Variants in KIF25 observed in about 807,000 individuals in gnomAD.
KIF25 encodes kinesin family member 25, also known as kinesin-like protein KIF25.
KIF25 carries 19 observed loss-of-function variants against 32.9 expected under a neutral mutation model. That is an observed-to-expected ratio of 0.58 (90% confidence interval 0.40 to 0.85). The LOEUF (loss-of-function observed/expected upper bound fraction) is 0.85. Among genes scored for constraint, KIF25 ranks in the 40% least tolerant of loss-of-function variants. KIF25 has a pLI of 0.00. For synonymous variants in KIF25, 225 were observed against 213.7 expected, an observed-to-expected ratio of 1.05 and a Z score of -0.46; for missense variants, 485 against 507.0, an observed-to-expected ratio of 0.96 and a Z score of 0.42.
At chr6:168,022,722 C>T (rs996210158) in intron 5 of KIF25, among the ~76,000 whole-genome samples, 1 of 148,500 alleles carries the variant, frequency 6.7e-6, no homozygotes, top group African/African-American at 2.5e-5. Flanking sequence ...GTTTTTACTG[C>T]GAACTTATCT....
intron 4 of KIF25, among the ~76,000 whole-genome samples, chr6:168,005,669 T>TG: frequency 6.6e-6 from 1 of 152,172 alleles, no homozygotes; most frequent in Non-Finnish European, 1.5e-5. Flanking sequence ...CTGAAGAACT[T>TG]GGAGTCCGAT....
intron 4 of KIF25, among the ~76,000 whole-genome samples, chr6:168,017,719 G>A (rs1484231775): frequency 3.9e-5 from 6 of 152,090 alleles, no homozygotes; most frequent in South Asian, 4.1e-4. Flanking sequence ...TATGGGGGTC[G>A]GCAAACCTTT....
chr6:168,032,237 G>C (rs1798952011), intron 7 of KIF25, among the ~76,000 whole-genome samples: 1 of 152,238 alleles, frequency 6.6e-6, no homozygotes, highest in Non-Finnish European at 1.5e-5. Flanking sequence ...CCTGGCCAAG[G>C]AGGAAGTCCA....
In KIF25 at chr6:168,031,839, T is replaced by C. The variant is rs1262641962; in HGVS notation, c.167+992T>C. 6.6e-5 allele frequency among the ~76,000 whole-genome samples: 10 copies of C among 152,312 alleles called. No homozygotes were observed. In the South Asian group the frequency reaches 2.1e-3, roughly 32 times the overall value. ...TGTCAGCAAAAAGAGTCAAACCCTG[T>C]AAAATATTGGGAGAGATTTATCCTG... On this transcript the variant is annotated intron_variant, in intron 7 of 12. Coordinates refer to ENST00000643607, the MANE Select transcript of KIF25 (RefSeq NM_030615.4).
At chr6:168,013,540 T>C (rs1798675181) in intron 4 of KIF25, among the ~76,000 whole-genome samples, 1 of 152,012 alleles carries the variant, frequency 6.6e-6, no homozygotes, top group African/African-American at 2.4e-5. Flanking sequence ...CTCACAGGGA[T>C]GGCTGGGGGG....
At chr6:168,013,806 C>T (rs1197186836) in intron 4 of KIF25, among the ~76,000 whole-genome samples, 4 of 152,070 alleles carry the variant, frequency 2.6e-5, no homozygotes, top group African/African-American at 9.7e-5. Context: ...CCTCTGCCTT[C>T]CTGGACTTCC....
chr6:168,008,816 T>TTTA (rs574754187), intron 4 of KIF25, among the ~76,000 whole-genome samples: 126 of 152,272 alleles, frequency 8.3e-4, no homozygotes, highest in African/African-American at 2.5e-3. Flanking sequence ...TCCTAGGTAT[T>TTTA]TTAAATTTTT....
intron 4 of KIF25, among the ~76,000 whole-genome samples, chr6:168,011,914 T>C (rs1798652910): frequency 6.6e-6 from 1 of 152,196 alleles, no homozygotes; most frequent in South Asian, 2.1e-4. Flanking sequence ...AAAAGACCTG[T>C]CTTCAAGTTT....
chr6:168,020,843 A>C (rs1446833085), intron 5 of KIF25, among the ~76,000 whole-genome samples: 3 of 152,216 alleles, frequency 2.0e-5, no homozygotes, highest in Non-Finnish European at 4.4e-5. Flanking sequence ...TGGAAAAGAT[A>C]TATTTACCTG....
chr6:168,001,377 C>T (rs73040810), intron 2 of KIF25, among the ~76,000 whole-genome samples: 1,550 of 152,328 alleles, frequency 0.01, 6 homozygotes, highest in South Asian at 0.019. Flanking sequence ...TGGCCCCCAG[C>T]GGTGATCAGC....
intron 5 of KIF25, among the ~76,000 whole-genome samples, chr6:168,026,019 G>A (rs138710124): frequency 5.9e-5 from 9 of 152,332 alleles, no homozygotes; most frequent in African/African-American, 1.2e-4. Flanking sequence ...CTTTCAGGCC[G>A]TTGGTCGTCC....
rs3834328 is a variant in KIF25, at chr6:167,997,769, GGAT to G, written c.-1696_-1694del. Among the ~76,000 whole-genome samples the G allele has an allele frequency of 0.075, 11,475 of 152,104 alleles. 607 individuals are homozygous for G. Among genetic ancestry groups the G allele is most frequent in the East Asian group, 0.18 (931 of 5,162 alleles). On this transcript the variant is annotated 5_prime_UTR_variant, in exon 1 of 13. The change abolishes an upstream ATG in the 5' untranslated region. Transcript: ENST00000643607. ...TTTTGCAACACGAGGATGCCAAGGT[GGAT>G]GATTGAGTGGGTGACCCTCGCTTCT...
intron 5 of KIF25, among the ~76,000 whole-genome samples, chr6:168,027,947 G>A (rs1798887022): frequency 6.6e-6 from 1 of 152,106 alleles, no homozygotes; most frequent in Non-Finnish European, 1.5e-5. Flanking sequence ...TTCTCAGTCT[G>A]TCGTTTGCTT....
intron 12 of KIF25, among the ~76,000 whole-genome samples, chr6:168,043,721 G>A (rs574101315): frequency 3.2e-4 from 49 of 152,324 alleles, no homozygotes; most frequent in African/African-American, 8.7e-4. Context: ...GGGCGGCACC[G>A]TGGGGCACAC....
At chr6:168,044,567 G>T (rs940335040) in intron 12 of KIF25, among the ~76,000 whole-genome samples, 2 of 145,318 alleles carry the variant, frequency 1.4e-5, no homozygotes, top group African/African-American at 5.1e-5. Context: ...GCTAGTGACC[G>T]GCTGCTGACC....
intron 2 of KIF25, among the ~76,000 whole-genome samples, 152 bp from the exon 3 acceptor site, chr6:168,002,391 A>T (rs1193244459): frequency 1.3e-5 from 2 of 152,250 alleles, no homozygotes; most frequent in African/African-American, 4.8e-5. Flanking sequence ...GCAAGTTTCC[A>T]TAGTCCCAGA....
intron 8 of KIF25, among the ~76,000 whole-genome samples, chr6:168,036,818 T>G (rs187524919): frequency 6.6e-6 from 1 of 152,244 alleles, no homozygotes; most frequent in East Asian, 1.9e-4. Context: ...TCCCATAACT[T>G]TGGGAGGCTT....
At chr6:168,042,534 G>T in intron 11 of KIF25, 27 bp from the exon 12 acceptor site, 2 of 1,599,026 alleles carry the variant, frequency 1.3e-6, no homozygotes, top group Non-Finnish European at 1.7e-6. Context: ...GGTGCAAACG[G>T]TGATGGTGCG....
At chr6:168,023,727 G>T (rs761182239) in intron 5 of KIF25, among the ~76,000 whole-genome samples, 2 of 152,122 alleles carry the variant, frequency 1.3e-5, no homozygotes, top group Non-Finnish European at 2.9e-5. Flanking sequence ...TCCCTTCAAC[G>T]TCAGCAGCAT....
Sources: allele counts gnomAD v4.1 joint callset (sites outside exome capture counted in the v4.1 genomes callset), GRCh38; gene constraint gnomAD v4.1.1; transcripts MANE v1.5; gene names NCBI Gene and HGNC (gene_info 2026-07-23, HGNC 2026-07-21).